Variants in SLC24A4 observed in about 807,000 individuals in gnomAD.
The protein encoded by SLC24A4 is solute carrier family 24 member 4.
In SLC24A4, 53 loss-of-function variants were observed where a neutral mutation model predicts 79.0. The ratio of observed to expected loss-of-function variants is 0.67; its 90% CI spans 0.54 to 0.84. SLC24A4 has a LOEUF of 0.84. Among genes scored for constraint, SLC24A4 ranks in the 40% least tolerant of loss-of-function variants. SLC24A4 has a pLI of 0.00. For synonymous variants in SLC24A4, 323 were observed against 323.8 expected, an observed-to-expected ratio of 1.00 and a Z score of 0.03; for missense variants, 731 against 822.0, an observed-to-expected ratio of 0.89 and a Z score of 1.35.
At chr14:92,324,084 C>G in intron 1 of SLC24A4, 124 bp downstream of exon 1, 1 of 1,308,548 alleles carries the variant, frequency 7.6e-7, no homozygotes, top group Non-Finnish European at 1.0e-6. Flanking sequence ...TTCATCCAGT[C>G]CCCTCCCCGC....
intron 2 of SLC24A4, among the ~76,000 whole-genome samples, chr14:92,429,443 T>C (rs1279639157): frequency 6.6e-6 from 1 of 152,250 alleles, no homozygotes; most frequent in Non-Finnish European, 1.5e-5. Context: ...CATATACAAA[T>C]AGGAAGCAGT....
chr14:92,483,850 C>G, intron 13 of SLC24A4: 1 of 1,289,762 alleles, frequency 7.8e-7, no homozygotes, highest in Non-Finnish European at 1.0e-6. Context: ...TAATGCCTGA[C>G]ACCAGCAGCA....
chr14:92,480,240 A>G (rs1302916143), intron 12 of SLC24A4, among the ~76,000 whole-genome samples: 1 of 77,860 alleles, frequency 1.3e-5, no homozygotes, highest in South Asian at 4.0e-4. Context: ...TTCTTCTTTT[A>G]TTTTTCTTAA....
chr14:92,462,419 A>G (rs1893867767), intron 12 of SLC24A4: 1 of 151,614 alleles, frequency 6.6e-6, no homozygotes, highest in Admixed American at 6.6e-5. Context: ...ATTTTTTGAG[A>G]CAGACTCTCA....
intron 2 of SLC24A4, among the ~76,000 whole-genome samples, chr14:92,343,588 CTTTCTTTCTT>C (rs1395034151): frequency 1.1e-5 from 1 of 92,298 alleles, no homozygotes; most frequent in Non-Finnish European, 2.4e-5. Flanking sequence ...TGTTTTCTTT[CTTTCTTTCTT>C]TCTTTCTTTC....
chr14:92,476,572 A>G (rs1304051039), intron 12 of SLC24A4, among the ~76,000 whole-genome samples: 1 of 152,184 alleles, frequency 6.6e-6, no homozygotes, highest in African/African-American at 2.4e-5. Context: ...TGTAATTTAT[A>G]TGCCATAAAA....
At chr14:92,342,366 T>TAA (rs200565023) in intron 2 of SLC24A4, among the ~76,000 whole-genome samples, 12,316 of 148,518 alleles carry the variant, frequency 0.083, 559 homozygotes, top group Non-Finnish European at 0.098. Flanking sequence ...TTTTCCCCAT[T>TAA]TATTTATTTA....
intron 14 of SLC24A4, among the ~76,000 whole-genome samples, chr14:92,489,912 CCCGCATCTTACCGGACA>C (rs1248636766): frequency 4.6e-5 from 7 of 152,198 alleles, no homozygotes; most frequent in African/African-American, 1.7e-4. Flanking sequence ...GCTGCATGTT[CCCGCATCTTACCGGACA>C]CTGACAGACC....
At chr14:92,474,046 C>T (rs1355804168) in intron 12 of SLC24A4, among the ~76,000 whole-genome samples, 2 of 152,206 alleles carry the variant, frequency 1.3e-5, no homozygotes, top group East Asian at 3.9e-4. Flanking sequence ...GCCTCTTTAG[C>T]TTGATCAAGT....
At chr14:92,397,355 C>CATCTGTG (rs1359856879) in intron 2 of SLC24A4, among the ~76,000 whole-genome samples, 1 of 152,180 alleles carries the variant, frequency 6.6e-6, no homozygotes, top group Non-Finnish European at 1.5e-5. Context: ...GTGGAGCGAC[C>CATCTGTG]ATCTGTGACT....
chr14:92,424,471 C>G (rs1891459053), intron 2 of SLC24A4, among the ~76,000 whole-genome samples: 1 of 152,112 alleles, frequency 6.6e-6, no homozygotes, highest in Non-Finnish European at 1.5e-5. Flanking sequence ...TCAGGCTGTT[C>G]TCACTGATGG....
At position 92,445,332 on chromosome 14, in the gene SLC24A4, C is replaced by T; in HGVS notation, c.673C>T (p.Gln225Ter). 1.9e-6 allele frequency: 3 copies of T among 1,614,046 alleles called. No individual in the cohort carries two copies. Among genetic ancestry groups the T allele is most frequent in the Non-Finnish European group, 2.5e-6 (3 of 1,179,924 alleles). Residue 225 changes from glutamine to a stop codon, truncating the protein, a stop_gained, in exon 8 of 17, where the codon CAA becomes TAA. Coordinates refer to ENST00000532405, the MANE Select transcript of SLC24A4 (RefSeq NM_153646.4). LOFTEE classifies it high-confidence loss of function. ...IVLIVFIYDE[Q>*]IVWWEGLVLI... ...TGCCTTACAGTTCATATATGATGAACAAATTGTGTGGTAAGTTTTTCAAGT... is the reference window on the plus strand; with the variant it reads ...TGCCTTACAGTTCATATATGATGAATAAATTGTGTGGTAAGTTTTTCAAGT...
rs1889130477 is a variant in SLC24A4, at chr14:92,385,891, G to A, written c.242-48021G>A. 2.6e-5 allele frequency among the ~76,000 whole-genome samples: 4 copies of A among 152,240 alleles called. 1 individual carries two copies. In the South Asian group the frequency reaches 8.3e-4, roughly 32 times the overall value. On this transcript the variant is annotated intron_variant, in intron 2 of 16. Transcript: ENST00000532405. Reference sequence around the variant, plus strand: ...ATGTCGCACCTCCTGGGATGCGAGGGGAGAGGTAAGGTGAGTGGGCGGCAC... The same window carrying A: ...ATGTCGCACCTCCTGGGATGCGAGGAGAGAGGTAAGGTGAGTGGGCGGCAC...
chr14:92,346,302 T>C (rs938588131), intron 2 of SLC24A4, among the ~76,000 whole-genome samples: 1 of 152,214 alleles, frequency 6.6e-6, no homozygotes, highest in African/African-American at 2.4e-5. Flanking sequence ...TCTCAGACTC[T>C]GCATTGTTTT....
intron 2 of SLC24A4, among the ~76,000 whole-genome samples, chr14:92,383,471 G>C (rs1260947557): frequency 6.6e-6 from 1 of 152,158 alleles, no homozygotes; most frequent in Admixed American, 6.5e-5. Context: ...AAGATGCCTA[G>C]CTGCCTAGCC....
chr14:92,433,593 T>G (rs570273424), intron 2 of SLC24A4, among the ~76,000 whole-genome samples: 1 of 152,342 alleles, frequency 6.6e-6, no homozygotes, highest in African/African-American at 2.4e-5. Context: ...CGTATCCTTG[T>G]CAACACTTAC....
intron 12 of SLC24A4, among the ~76,000 whole-genome samples, chr14:92,474,054 A>G (rs1055615614): frequency 4.6e-5 from 7 of 152,198 alleles, no homozygotes; most frequent in Non-Finnish European, 1.0e-4. Context: ...AGCTTGATCA[A>G]GTGCAACTGG....
At chr14:92,436,491 C>T (rs1018933148) in intron 3 of SLC24A4, among the ~76,000 whole-genome samples, 1 of 152,104 alleles carries the variant, frequency 6.6e-6, no homozygotes, top group Non-Finnish European at 1.5e-5. Context: ...TTCTATGGCT[C>T]GTTTTTGTTT....
At chr14:92,475,727 C>T (rs1019112631) in intron 12 of SLC24A4, among the ~76,000 whole-genome samples, 1 of 152,132 alleles carries the variant, frequency 6.6e-6, no homozygotes, top group African/African-American at 2.4e-5. Flanking sequence ...GTTTCCACAC[C>T]GTGACCATGA....
Sources: allele counts gnomAD v4.1 joint callset (sites outside exome capture counted in the v4.1 genomes callset), GRCh38; gene constraint gnomAD v4.1.1; transcripts MANE v1.5; gene names NCBI Gene and HGNC (gene_info 2026-07-23, HGNC 2026-07-21).